The following TTN variants were observed in gnomAD, a reference collection of about 807,000 sequenced individuals.
The protein encoded by TTN is titin, also known as connectin.
Under a neutral mutation model 3,223.0 loss-of-function variants are expected in TTN, and 1,525 were observed. The ratio of observed to expected loss-of-function variants is 0.47; its 90% CI spans 0.45 to 0.49. The LOEUF (loss-of-function observed/expected upper bound fraction) is 0.49. Among genes scored for constraint, TTN ranks in the 20% least tolerant of loss-of-function variants. The pLI is 0.00. For missense variants in TTN, 40,786 were observed against 43,424.0 expected (o/e 0.94, Z 5.40); for synonymous variants, 14,094 against 15,161.0 (o/e 0.93, Z 5.17).
In TTN at chr2:178,609,460, C is replaced by T; in HGVS notation, c.51850G>A (p.Asp17284Asn). 1 of 1,612,418 alleles carries T rather than the reference C, an allele frequency of 6.2e-7. No individual in the cohort carries two copies. The highest frequency in any genetic ancestry group is 8.5e-7 in the Non-Finnish European group (1 of 1,179,130). Reference sequence around the variant, plus strand: ...TCCTCTGGTACAATAACATTTTCATCCTTTATCCATGTAATAGTTGGGTAA... The same window carrying T: ...TCCTCTGGTACAATAACATTTTCATTCTTTATCCATGTAATAGTTGGGTAA... The part of the protein sequence containing the change: ...SPYPTITWIK[D>N]ENVIVPEEIK... Residue 17284 changes from aspartate to asparagine, a missense_variant, in exon 273 of 363, where the codon GAT (aspartate) becomes AAT (asparagine). By Grantham distance (23) the Asp-to-Asn change is conservative. Coordinates refer to ENST00000589042, the MANE Select transcript of TTN (RefSeq NM_001267550.2).
At position 178,534,225 on chromosome 2, in the gene TTN, C is replaced by T. The variant is rs970104843; in HGVS notation, c.102390G>A (p.Val34130=). The change falls in exon 358 of 363, where the codon GTG becomes GTA. Residue 34130 remains valine (V), a synonymous_variant. Coordinates refer to ENST00000589042, the MANE Select transcript of TTN (RefSeq NM_001267550.2). ...AAACTGGGCCAATTTCAATGGATGCCACTTTAACTTTAGCAACACTCACTC... is the reference window on the plus strand; with the variant it reads ...AAACTGGGCCAATTTCAATGGATGCTACTTTAACTTTAGCAACACTCACTC... ...QKGVSVAKVK[V]ASIEIGPVSG... is the part of the protein sequence containing the mutation. The T allele has an allele frequency of 6.2e-7, 1 of 1,613,806 alleles. No individual in the cohort carries two copies. The highest frequency in any genetic ancestry group is 1.3e-5 in the African/African-American group (1 of 74,896).
intron 99 of TTN, among the ~76,000 whole-genome samples, chr2:178,708,246 C>T (rs1346214586): frequency 6.6e-6 from 1 of 152,136 alleles, no homozygotes; most frequent in Non-Finnish European, 1.5e-5. Flanking sequence ...GGAAAGAAAG[C>T]TAGCATTTGA....
intron 242 of TTN, among the ~76,000 whole-genome samples, chr2:178,623,529 A>G (rs2058604249): frequency 6.6e-6 from 1 of 151,940 alleles, no homozygotes; most frequent in African/African-American, 2.4e-5. Flanking sequence ...ATGCTGTCTA[A>G]TAGGTTTGAA....
chr2:178,663,292 G>C lies in TTN; in HGVS notation c.36674C>G (p.Pro12225Arg). The change falls in exon 173 of 363, where the codon CCC (proline) becomes CGC (arginine). Residue 12225 changes from proline to arginine, a missense_variant. Physicochemically the swap from Pro to Arg is moderately radical, Grantham distance 103. Transcript: ENST00000589042. ...TTCAGGGGGAGGACTTTCCGGTTTG[G>C]GAGGAATAGCTTCAGGCAACTTCTT... is the stretch of plus-strand genomic sequence containing the variant. ...PEKKLPEAIP[P>R]KPESPPPEVP... The C allele has an allele frequency of 2.6e-6, 4 of 1,564,876 alleles. No individual in the cohort carries two copies. The highest frequency in any genetic ancestry group is 3.5e-6 in the Non-Finnish European group (4 of 1,158,512).
chr2:178,680,020 C>T lies in TTN; in HGVS notation c.33454G>A (p.Val11152Ile), dbSNP rs376154501. 2 of 1,613,094 alleles carry T rather than the reference C, an allele frequency of 1.2e-6. No individual in the cohort carries two copies. Among genetic ancestry groups the T allele is most frequent in the African/African-American group, 2.7e-5 (2 of 74,840 alleles). ...EVPKELEPEE[V>I]AFEEEVVTHV... ...GTTACAACTTCCTCTTCAAAGGCAACCTCTTCTGGTTCAAGTTCTTTAGGC... is the reference window on the plus strand; with the variant it reads ...GTTACAACTTCCTCTTCAAAGGCAATCTCTTCTGGTTCAAGTTCTTTAGGC... Residue 11152 changes from valine (V) to isoleucine (I), a missense_variant, in exon 140 of 363, where the codon GTT becomes ATT. Coordinates refer to ENST00000589042, the MANE Select transcript of TTN (RefSeq NM_001267550.2).
intron 336 of TTN, 90 bp from the exon 337 acceptor site, chr2:178,550,363 C>G: frequency 9.1e-7 from 1 of 1,099,656 alleles, no homozygotes; most frequent in Non-Finnish European, 1.3e-6. Flanking sequence ...TATCACAAGG[C>G]CAGGAAGAGT....
At position 178,604,052 on chromosome 2, in the gene TTN, T is replaced by A. The variant is rs772610346; in HGVS notation, c.54635A>T (p.Tyr18212Phe). ...TGGTGCTCGGCTAACACGTGACCAATAAGGACTTCCCTCTTCTCTTTTCTC... is the reference window on the plus strand; with the variant it reads ...TGGTGCTCGGCTAACACGTGACCAAAAAGGACTTCCCTCTTCTCTTTTCTC... ...WLEKREEGSP[Y>F]WSRVSRAPIT... The change falls in exon 282 of 363, where the codon TAT becomes TTT. Residue 18212 changes from tyrosine to phenylalanine, a missense_variant. Tyr to Phe is a conservative substitution (Grantham distance 22, BLOSUM62 3). Transcript: ENST00000589042. The A allele has an allele frequency of 1.2e-6, 2 of 1,612,896 alleles. No homozygotes were observed. Among genetic ancestry groups the A allele is most frequent in the Non-Finnish European group, 1.7e-6 (2 of 1,179,202 alleles).
chr2:178,782,058 C>CA (rs1365254853), intron 20 of TTN, among the ~76,000 whole-genome samples, 154 bp downstream of exon 20: 1 of 151,728 alleles, frequency 6.6e-6, no homozygotes, highest in Non-Finnish European at 1.5e-5. Context: ...AGACTTTGCA[C>CA]AAAAAAAATG....
chr2:178,620,436 T>C lies in TTN; in HGVS notation c.46085A>G (p.Asp15362Gly), dbSNP rs779619831. 6.2e-7 allele frequency: 1 copy of C among 1,612,306 alleles called. No individual in the cohort carries two copies. Among genetic ancestry groups the C allele is most frequent in the South Asian group, 1.1e-5 (1 of 90,998 alleles). The change falls in exon 248 of 363, where the codon GAC becomes GGC. Residue 15362 changes from aspartate (D) to glycine (G), a missense_variant. Transcript: ENST00000589042. ...DKYKHMLTIKDCGFPDEGEYI... is the reference protein window; with the variant it reads ...DKYKHMLTIKGCGFPDEGEYI... ...TTCACCTTCATCTGGGAAGCCACAGTCTTTAATGGTTAACATGTGCTTGTA... is the reference window on the plus strand; with the variant it reads ...TTCACCTTCATCTGGGAAGCCACAGCCTTTAATGGTTAACATGTGCTTGTA...
rs1457631231 is a variant in TTN at position 178,533,527 on chromosome 2, G to C, written c.103088C>G (p.Pro34363Arg). ...ATTTGCCAGTAACCTTTTGAACATGGGTCTTAAGGTACTATCTGTTGGAGG... is the reference window on the plus strand; with the variant it reads ...ATTTGCCAGTAACCTTTTGAACATGCGTCTTAAGGTACTATCTGTTGGAGG... ...HPPPTDSTLR[P>R]MFKRLLANAE... The change falls in exon 358 of 363, where the codon CCC (proline) becomes CGC (arginine). Residue 34363 changes from proline (P) to arginine (R), a missense_variant. Transcript: ENST00000589042. The C allele has an allele frequency of 6.2e-7, 1 of 1,613,758 alleles. No individual in the cohort carries two copies. The highest frequency in any genetic ancestry group is 1.7e-5 in the Admixed American group (1 of 60,006).
rs1553479171 is a variant in TTN at position 178,528,359 on chromosome 2, T to C, written c.107292A>G (p.Ala35764=). 1.9e-6 allele frequency: 3 copies of C among 1,613,986 alleles called. No individual in the cohort carries two copies. Among genetic ancestry groups the C allele is most frequent in the South Asian group, 2.2e-5 (2 of 91,086 alleles). Residue 35764 remains alanine, a synonymous_variant, in exon 361 of 363, where the codon GCA becomes GCG. Coordinates refer to ENST00000589042, the MANE Select transcript of TTN (RefSeq NM_001267550.2). Reference sequence around the variant, plus strand: ...TGTACTTTCCACTGTCGCTGACTGATGCATTTCGGATTTCAAGGGAGTATA... The same window carrying C: ...TGTACTTTCCACTGTCGCTGACTGACGCATTTCGGATTTCAAGGGAGTATA... The part of the protein sequence containing the change: ...RNVYSLEIRN[A]SVSDSGKYTI...
Position 178,720,498 on chromosome 2 carries a change from A to G in TTN, c.23264T>C (p.Phe7755Ser). 6.2e-7 allele frequency: 1 copy of G among 1,613,704 alleles called. No homozygotes were observed. Among genetic ancestry groups the G allele is most frequent in the Non-Finnish European group, 8.5e-7 (1 of 1,179,684 alleles). ...ATTAAGGATATGAAGACTTGTATCAAAATGTTTTGAAGTGATTTTAAATTT... is the reference window on the plus strand; with the variant it reads ...ATTAAGGATATGAAGACTTGTATCAGAATGTTTTGAAGTGATTTTAAATTT... ...SKKFKITSKH[F>S]DTSLHILNLE... The change falls in exon 80 of 363, where the codon TTT (phenylalanine) becomes TCT (serine). Residue 7755 changes from phenylalanine (F) to serine (S), a missense_variant. By Grantham distance (155) the Phe-to-Ser change is radical. Coordinates refer to ENST00000589042, the MANE Select transcript of TTN (RefSeq NM_001267550.2).
At chr2:178,554,249 G>T (rs762586813) in intron 332 of TTN, 33 bp from the exon 333 acceptor site, 13 of 1,533,508 alleles carry the variant, frequency 8.5e-6, no homozygotes, top group African/African-American at 5.6e-5. Context: ...CAAGGTACAA[G>T]AATCCACATT....
In TTN at chr2:178,557,781, T is replaced by C; in HGVS notation, c.87573A>G (p.Thr29191=). Residue 29191 remains threonine (T), a synonymous_variant, in exon 328 of 363, where the codon ACA becomes ACG. Coordinates refer to ENST00000589042, the MANE Select transcript of TTN (RefSeq NM_001267550.2). ...STAVWTEVSA[T]VARTMMKVMK... ...TGACTTTCATCATGGTTCTTGCAAC[T>C]GTTGCAGACACTTCAGTCCACACTG... 1 of 1,614,004 alleles carries C rather than the reference T, an allele frequency of 6.2e-7. No individual in the cohort carries two copies. The highest frequency in any genetic ancestry group is 8.5e-7 in the Non-Finnish European group (1 of 1,179,846).
In TTN at chr2:178,768,154, A is replaced by T; in HGVS notation, c.9165T>A (p.Ala3055=). Residue 3055 remains alanine (A), a splice_region_variant and synonymous_variant, in exon 39 of 363, where the codon GCT becomes GCA. Transcript: ENST00000589042. ...ATSTATLYVE[A]RHIEFRKHIK... ...TGTGTTTCCTAAATTCTATATGACGAGCTGGAAAATAGCATGTAGAAAAAT... is the reference window on the plus strand; with the variant it reads ...TGTGTTTCCTAAATTCTATATGACGTGCTGGAAAATAGCATGTAGAAAAAT... 1 of 1,614,046 alleles carries T rather than the reference A, an allele frequency of 6.2e-7. No individual in the cohort carries two copies. The highest frequency in any genetic ancestry group is 1.1e-5 in the South Asian group (1 of 91,080).
In TTN at chr2:178,721,178, A is replaced by G; in HGVS notation, c.22841T>C (p.Leu7614Ser). Residue 7614 changes from leucine to serine, a missense_variant, in exon 79 of 363, where the codon TTA becomes TCA. By Grantham distance (145) the Leu-to-Ser change is moderately radical (BLOSUM62 -2). Coordinates refer to ENST00000589042, the MANE Select transcript of TTN (RefSeq NM_001267550.2). ...VKEPPKFVKK[L>S]EASKVAKQGE... ...CTGCTTTGCAACTTTTGAAGCTTCTAATTTCTTAACAAACTTTGGAGGTTC... is the reference window on the plus strand; with the variant it reads ...CTGCTTTGCAACTTTTGAAGCTTCTGATTTCTTAACAAACTTTGGAGGTTC... 2.5e-6 allele frequency: 4 copies of G among 1,601,712 alleles called. No individual in the cohort carries two copies. In the African/African-American group the frequency reaches 5.4e-5, roughly 21 times the overall value.
In TTN at chr2:178,707,661, A is replaced by G. The variant is rs2076080616; in HGVS notation, c.28906T>C (p.Cys9636Arg). The change falls in exon 100 of 363, where the codon TGC becomes CGC. Residue 9636 changes from cysteine (C) to arginine (R), a missense_variant. By Grantham distance (180) the Cys-to-Arg change is radical. Coordinates refer to ENST00000589042, the MANE Select transcript of TTN (RefSeq NM_001267550.2). ...GTCCCACTAGCAAAGCTGAAGCTGCATCTGTCTGAAGGCTTTATTTCCCTG... is the reference window on the plus strand; with the variant it reads ...GTCCCACTAGCAAAGCTGAAGCTGCGTCTGTCTGAAGGCTTTATTTCCCTG... ...AGREIKPSDR[C>R]SFSFASGTAV... 1.2e-6 allele frequency: 2 copies of G among 1,613,930 alleles called. No individual in the cohort carries two copies.
At chr2:178,805,441 C>T (rs1575047771) in intron 1 of TTN, among the ~76,000 whole-genome samples, 3 of 151,280 alleles carry the variant, frequency 2.0e-5, no homozygotes, top group Non-Finnish European at 2.9e-5. Flanking sequence ...CAATATTTTT[C>T]GTTCACTCTA....
chr2:178,635,168 T>G lies in TTN; in HGVS notation c.42021A>C (p.Ser14007=). The change falls in exon 228 of 363, where the codon TCA becomes TCC. Residue 14007 remains serine (S), a synonymous_variant. Transcript: ENST00000589042. ...WKLKGELLRP[S]PTCEIKAEGG... ...TTTAAAATGTGAAATTACTCACAGGTGAGGGCCTTAGAAGTTCTCCTTTCA... is the reference window on the plus strand; with the variant it reads ...TTTAAAATGTGAAATTACTCACAGGGGAGGGCCTTAGAAGTTCTCCTTTCA... The G allele has an allele frequency of 6.2e-7, 1 of 1,612,776 alleles. No individual in the cohort carries two copies. The highest frequency in any genetic ancestry group is 8.5e-7 in the Non-Finnish European group (1 of 1,179,360).
Sources: gnomAD v4.1 joint callset for allele counts (sites outside exome capture counted in the v4.1 genomes callset) on GRCh38, gnomAD v4.1.1 for gene constraint, MANE v1.5 for transcripts, NCBI Gene and HGNC (gene_info 2026-07-23, HGNC 2026-07-21) for gene names.